Variants in PALMD observed in about 807,000 individuals in gnomAD.
PALMD encodes the protein palmdelphin.
Under a neutral mutation model 56.2 loss-of-function variants are expected in PALMD, and 42 were observed. The ratio of observed to expected loss-of-function variants is 0.75; its 90% CI spans 0.58 to 0.97. PALMD has a LOEUF of 0.97. Ranked by LOEUF, PALMD falls within the 50% of genes least tolerant of loss-of-function variation. PALMD has a pLI of 0.00. For synonymous variants in PALMD, 242 were observed against 222.9 expected (o/e 1.09, Z -0.76); for missense variants, 660 against 643.8 (o/e 1.03, Z -0.27).
intron 1 of PALMD, among the ~76,000 whole-genome samples, chr1:99,649,031 C>A (rs1652508861): frequency 6.6e-6 from 1 of 152,074 alleles, no homozygotes; most frequent in Non-Finnish European, 1.5e-5. Flanking sequence ...AGTCAGATGT[C>A]TTCTCAAAGA....
intron 2 of PALMD, among the ~76,000 whole-genome samples, chr1:99,666,501 AC>A (rs1652962132): frequency 6.6e-6 from 1 of 152,130 alleles, no homozygotes; most frequent in African/African-American, 2.4e-5. Context: ...AAAAAAACAC[AC>A]CCACACACAA....
chr1:99,673,914 C>T (rs1653145918), intron 3 of PALMD, among the ~76,000 whole-genome samples: 1 of 152,102 alleles, frequency 6.6e-6, no homozygotes, highest in Non-Finnish European at 1.5e-5. Context: ...CTTAAAAATA[C>T]TACCTTTCTA....
At chr1:99,652,694 G>GGAAAGGAAAAGAAAAGAAAAGAAAA (rs1553166835) in intron 1 of PALMD, among the ~76,000 whole-genome samples, 153 of 86,344 alleles carry the variant, frequency 1.8e-3, no homozygotes, top group East Asian at 0.011. Context: ...GGAAAGGAAA[G>GGAAAGGAAAAGAAAAGAAAAGAAAA]GAAAAGAAAA....
At chr1:99,658,873 G>A (rs937256598) in intron 1 of PALMD, among the ~76,000 whole-genome samples, 4 of 151,832 alleles carry the variant, frequency 2.6e-5, no homozygotes, top group African/African-American at 9.7e-5. Context: ...TTGAGCCTGG[G>A]AAATTGAAAC....
At chr1:99,692,326 C>A (rs11166300) in intron 7 of PALMD, among the ~76,000 whole-genome samples, 12,286 of 152,074 alleles carry the variant, frequency 0.081, 1,096 homozygotes, top group African/African-American at 0.22. Context: ...CCATTAGAGT[C>A]CAAGGGATAA....
At chr1:99,661,666 T>C (rs1652848674) in intron 1 of PALMD, among the ~76,000 whole-genome samples, 1 of 152,202 alleles carries the variant, frequency 6.6e-6, no homozygotes, top group African/African-American at 2.4e-5. Flanking sequence ...GTACAACCTT[T>C]TTGTATCAGT....
chr1:99,655,326 GTTA>G (rs1444381083), intron 1 of PALMD, among the ~76,000 whole-genome samples: 4 of 151,980 alleles, frequency 2.6e-5, no homozygotes, highest in African/African-American at 7.2e-5. Flanking sequence ...CTTAATAAAT[GTTA>G]TTATTAAAAC....
chr1:99,646,333 C>A lies in PALMD; in HGVS notation c.16C>A (p.Leu6Met). Residue 6 changes from leucine to methionine, a missense_variant, in exon 1 of 8, where the codon CTG becomes ATG. Coordinates refer to ENST00000263174, the MANE Select transcript of PALMD (RefSeq NM_017734.5). ...GACTTCTAGAATGGAAGAAGCTGAG[C>A]TGGTGAAGGGAAGACTCCAGGCCAT... Reference protein sequence around the residue: MEEAELVKGRLQAITD... With the variant: MEEAEMVKGRLQAITD... 1 of 1,613,238 alleles carries A rather than the reference C, an allele frequency of 6.2e-7. No individual in the cohort carries two copies. Among genetic ancestry groups the A allele is most frequent in the South Asian group, 1.1e-5 (1 of 91,068 alleles).
At chr1:99,653,795 T>C (rs187124588) in intron 1 of PALMD, among the ~76,000 whole-genome samples, 38 of 152,270 alleles carry the variant, frequency 2.5e-4, no homozygotes, top group African/African-American at 8.9e-4. Context: ...TCTGACATAA[T>C]GTACCAGAAT....
Position 99,689,288 on chromosome 1 carries a change from C to A in PALMD, c.1028C>A (p.Pro343Gln), listed in dbSNP as rs760070084. The A allele has an allele frequency of 3.1e-6, 5 of 1,613,298 alleles. No individual in the cohort carries two copies. The African/African-American group carries it at 6.7e-5, about 22-fold the overall frequency. ...CAAGCAGAAGAGAAGCTTCACACCC[C>A]GCAAAAAAGGCTAATGACTCCTTGG... The part of the protein sequence containing the change: ...IQQAEEKLHT[P>Q]QKRLMTPWEE... Residue 343 changes from proline (P) to glutamine (Q), a missense_variant, in exon 7 of 8, where the codon CCG becomes CAG. Transcript: ENST00000263174.
intron 1 of PALMD, among the ~76,000 whole-genome samples, chr1:99,662,071 A>G (rs913869734): frequency 2.0e-5 from 3 of 152,206 alleles, no homozygotes; most frequent in Non-Finnish European, 4.4e-5. Context: ...GAAGAAGGAA[A>G]AGGGGAGTGA....
chr1:99,690,955 A>C (rs1653640773), intron 7 of PALMD, among the ~76,000 whole-genome samples: 1 of 152,158 alleles, frequency 6.6e-6, no homozygotes, highest in Non-Finnish European at 1.5e-5. Flanking sequence ...TTAGGTAGCT[A>C]ATAATACAGT....
In PALMD at chr1:99,676,985, A is replaced by C. The variant is rs1298036883; in HGVS notation, c.251+9219A>C. 2.6e-5 allele frequency among the ~76,000 whole-genome samples: 4 copies of C among 152,196 alleles called. No homozygotes were observed. In the East Asian group the frequency reaches 7.7e-4, roughly 29 times the overall value. On this transcript the variant is annotated intron_variant, in intron 3 of 7. Transcript: ENST00000263174. ...AAGATAACTAAAGTCAACTGTATGT[A>C]CTCAATAATAGCCATTGAATTTCCA...
intron 3 of PALMD, among the ~76,000 whole-genome samples, chr1:99,680,530 T>G (rs887905259): frequency 1.3e-5 from 2 of 152,162 alleles, no homozygotes; most frequent in Non-Finnish European, 2.9e-5. Context: ...CCAAGGAGGA[T>G]ATTTCTCTTT....
intron 2 of PALMD, among the ~76,000 whole-genome samples, chr1:99,665,396 C>T (rs567517777): frequency 1.3e-5 from 2 of 152,216 alleles, no homozygotes; most frequent in East Asian, 1.9e-4. Context: ...CTTTTGATTA[C>T]TACAGTATAT....
intron 1 of PALMD, among the ~76,000 whole-genome samples, chr1:99,652,859 T>C (rs1372792469): frequency 6.6e-6 from 1 of 152,134 alleles, no homozygotes; most frequent in Non-Finnish European, 1.5e-5. Context: ...CCCAAAACAG[T>C]TCTCCACCTC....
At chr1:99,657,396 A>G (rs1444403344) in intron 1 of PALMD, among the ~76,000 whole-genome samples, 2 of 152,128 alleles carry the variant, frequency 1.3e-5, no homozygotes, top group Non-Finnish European at 2.9e-5. Flanking sequence ...CTTTTCCTCA[A>G]TGATATGTCA....
chr1:99,673,963 A>G (rs769422058), intron 3 of PALMD, among the ~76,000 whole-genome samples: 40 of 152,314 alleles, frequency 2.6e-4, no homozygotes, highest in South Asian at 1.0e-3. Context: ...TGACTTGAAC[A>G]TTAATGAACT....
chr1:99,657,356 A>G (rs189975449), intron 1 of PALMD, among the ~76,000 whole-genome samples: 13 of 152,290 alleles, frequency 8.5e-5, no homozygotes, highest in Non-Finnish European at 1.8e-4. Context: ...TTTCCTGAAC[A>G]TAAGAGCCTG....
Sources: allele counts gnomAD v4.1 joint callset (sites outside exome capture counted in the v4.1 genomes callset), GRCh38; gene constraint gnomAD v4.1.1; transcripts MANE v1.5; gene names NCBI Gene and HGNC (gene_info 2026-07-23, HGNC 2026-07-21).